The following WWC1 variants were observed in gnomAD, a reference collection of about 807,000 sequenced individuals.
WWC1 encodes the protein protein KIBRA.
In WWC1, 55 loss-of-function variants were observed where a neutral mutation model predicts 138.4. The observed-to-expected ratio is 0.40, with a 90% CI of 0.32 to 0.50. WWC1 has a LOEUF of 0.50. Among genes scored for constraint, WWC1 ranks in the 20% least tolerant of loss-of-function variants. WWC1 has a pLI of 0.72. For missense variants in WWC1, 1,226 were observed against 1,420.4 expected, an observed-to-expected ratio of 0.86 and a Z score of 2.20; for synonymous variants, 524 against 564.9, an observed-to-expected ratio of 0.93 and a Z score of 1.03.
At chr5:168,393,353 T>G (rs775963481) in intron 3 of WWC1, among the ~76,000 whole-genome samples, 5 of 151,900 alleles carry the variant, frequency 3.3e-5, no homozygotes, top group Non-Finnish European at 7.4e-5. Context: ...CAATTCAAGA[T>G]CCTAAAAGCT....
At chr5:168,393,367 A>G (rs1458805134) in intron 3 of WWC1, among the ~76,000 whole-genome samples, 1 of 152,182 alleles carries the variant, frequency 6.6e-6, no homozygotes, top group African/African-American at 2.4e-5. Context: ...AAAAGCTTTC[A>G]GAGAGAAAAA....
intron 2 of WWC1, among the ~76,000 whole-genome samples, chr5:168,373,492 A>G (rs1776912331): frequency 6.6e-6 from 1 of 152,042 alleles, no homozygotes; most frequent in Non-Finnish European, 1.5e-5. Context: ...TGATAGCAAT[A>G]TAGTAGGAAT....
chr5:168,325,384 G>A (rs1772446975), intron 1 of WWC1, among the ~76,000 whole-genome samples: 1 of 152,208 alleles, frequency 6.6e-6, no homozygotes, highest in Non-Finnish European at 1.5e-5. Flanking sequence ...CAGTCTCTGG[G>A]AACTCTGGGT....
intron 1 of WWC1, among the ~76,000 whole-genome samples, chr5:168,332,900 G>T (rs1378090794): frequency 6.6e-6 from 1 of 152,086 alleles, no homozygotes; most frequent in Non-Finnish European, 1.5e-5. Flanking sequence ...GTAGAGACAG[G>T]GTTTCACCCT....
chr5:168,309,886 G>A (rs1770912676), intron 1 of WWC1, among the ~76,000 whole-genome samples: 1 of 152,160 alleles, frequency 6.6e-6, no homozygotes, highest in South Asian at 2.1e-4. Context: ...CATCATTTCT[G>A]TGTCTAGACA....
At chr5:168,302,271 C>T (rs1373844441) in intron 1 of WWC1, among the ~76,000 whole-genome samples, 1 of 152,160 alleles carries the variant, frequency 6.6e-6, no homozygotes, top group Non-Finnish European at 1.5e-5. Flanking sequence ...TTATCACGTC[C>T]CACCCAGCGG....
chr5:168,320,583 A>C (rs1452739026), intron 1 of WWC1, among the ~76,000 whole-genome samples: 2 of 152,188 alleles, frequency 1.3e-5, no homozygotes, highest in African/African-American at 4.8e-5. Flanking sequence ...AATAGAGATA[A>C]GTCCCATAAC....
intron 19 of WWC1, among the ~76,000 whole-genome samples, chr5:168,456,859 G>C (rs1756374932): frequency 6.6e-6 from 1 of 152,062 alleles, no homozygotes; most frequent in Non-Finnish European, 1.5e-5. Context: ...TTGTTAAATG[G>C]GAGATATAAG....
intron 1 of WWC1, among the ~76,000 whole-genome samples, chr5:168,358,164 G>T (rs962541733): frequency 6.6e-6 from 1 of 152,190 alleles, no homozygotes; most frequent in African/African-American, 2.4e-5. Flanking sequence ...GGTGACCTGG[G>T]GAAACAGTGT....
intron 1 of WWC1, among the ~76,000 whole-genome samples, chr5:168,318,169 A>G (rs1325434321): frequency 6.6e-6 from 1 of 152,076 alleles, no homozygotes; most frequent in African/African-American, 2.4e-5. Context: ...TCTGTTTGCA[A>G]ATGTTCTCTT....
intron 1 of WWC1, among the ~76,000 whole-genome samples, chr5:168,296,988 G>C (rs967017869): frequency 2.6e-5 from 4 of 152,224 alleles, no homozygotes; most frequent in Non-Finnish European, 4.4e-5. Flanking sequence ...GGCAAATGTA[G>C]ATAAGTGAGT....
At chr5:168,404,527 T>G (rs1779635449) in intron 5 of WWC1, among the ~76,000 whole-genome samples, 1 of 152,164 alleles carries the variant, frequency 6.6e-6, no homozygotes, top group Non-Finnish European at 1.5e-5. Flanking sequence ...TGCCTCGCTC[T>G]CTCCTCTGCT....
At chr5:168,368,205 C>G (rs1322832022) in intron 1 of WWC1, among the ~76,000 whole-genome samples, 1 of 151,780 alleles carries the variant, frequency 6.6e-6, no homozygotes, top group Non-Finnish European at 1.5e-5. Flanking sequence ...CTTCTCCTGC[C>G]TCTGCCTCCC....
At chr5:168,325,963 C>A (rs1048758007) in intron 1 of WWC1, among the ~76,000 whole-genome samples, 1 of 152,166 alleles carries the variant, frequency 6.6e-6, no homozygotes, top group African/African-American at 2.4e-5. Flanking sequence ...TAAGACTCAT[C>A]CATGTTGTAG....
chr5:168,378,297 G>C (rs770353381), intron 2 of WWC1, among the ~76,000 whole-genome samples: 1 of 152,130 alleles, frequency 6.6e-6, no homozygotes, highest in Non-Finnish European at 1.5e-5. Context: ...AGGGTAGGGA[G>C]ATGGGGGCAA....
chr5:168,326,214 G>GTTTTTTTTTTTTT (rs1772519891), intron 1 of WWC1, among the ~76,000 whole-genome samples: 2 of 111,702 alleles, frequency 1.8e-5, no homozygotes, highest in African/African-American at 6.5e-5. Flanking sequence ...CGACCTGATA[G>GTTTTTTTTTTTTT]TCTTTTTTTT....
chr5:168,428,752 A>G lies in WWC1; in HGVS notation c.1965A>G (p.Glu655=), dbSNP rs1337698258. 1.2e-6 allele frequency: 2 copies of G among 1,613,852 alleles called. No individual in the cohort carries two copies. Among genetic ancestry groups the G allele is most frequent in the African/African-American group, 2.7e-5 (2 of 74,892 alleles). ...CTGCATTTGACAGTGACGAATCGGA[A>G]GCAGTGGGTGCGACCCGAATTCAGA... The part of the protein sequence containing the change: ...EAAAFDSDES[E]AVGATRIQIA... Residue 655 remains glutamate (E), a synonymous_variant, in exon 13 of 23, where the codon GAA becomes GAG. Coordinates refer to ENST00000265293, the MANE Select transcript of WWC1 (RefSeq NM_015238.3).
intron 1 of WWC1, among the ~76,000 whole-genome samples, chr5:168,311,401 C>CAG (rs1771068225): frequency 6.6e-6 from 1 of 152,136 alleles, no homozygotes; most frequent in Non-Finnish European, 1.5e-5. Context: ...GTGTGAGGAA[C>CAG]CGAGGCAGCA....
At chr5:168,406,420 C>T (rs919634169) in intron 6 of WWC1, 93 bp downstream of exon 6, 2 of 1,534,490 alleles carry the variant, frequency 1.3e-6, no homozygotes, top group Non-Finnish European at 1.8e-6. Flanking sequence ...ACGTGGTACA[C>T]ACATCACTGA....
Sources: gnomAD v4.1 joint callset for allele counts (sites outside exome capture counted in the v4.1 genomes callset) on GRCh38, gnomAD v4.1.1 for gene constraint, MANE v1.5 for transcripts, NCBI Gene and HGNC (gene_info 2026-07-23, HGNC 2026-07-21) for gene names.